Variants in BCL6 observed in about 807,000 individuals in gnomAD.
BCL6 encodes BCL6 transcription repressor, also known as B-cell lymphoma 6 protein.
BCL6 carries 7 observed loss-of-function variants against 59.5 expected under a neutral mutation model. That is an observed-to-expected ratio of 0.12 (90% CI 0.07 to 0.22). BCL6 has a LOEUF of 0.22. Among genes scored for constraint, BCL6 ranks in the 10% least tolerant of loss-of-function variants. The probability of loss-of-function intolerance (pLI) is 1.00; values close to 1 mark genes in which losing one functional copy is unlikely to be tolerated. For synonymous variants in BCL6, 339 were observed against 349.7 expected (o/e 0.97, Z 0.34); for missense variants, 685 against 939.4 (o/e 0.73, Z 3.54).
chr3:187,742,311 G>T (rs3774298), intron 1 of BCL6, among the ~76,000 whole-genome samples: 6 of 151,922 alleles, frequency 3.9e-5, no homozygotes, highest in South Asian at 2.1e-4. Flanking sequence ...ACATCTAGCC[G>T]TGGCTACCAT....
chr3:187,743,126 A>G (rs556843309), intron 1 of BCL6, among the ~76,000 whole-genome samples: 7 of 152,270 alleles, frequency 4.6e-5, no homozygotes, highest in African/African-American at 1.7e-4. Flanking sequence ...CAGAGCCACA[A>G]ACTGTATTTC....
chr3:187,744,375 GC>G, intron 1 of BCL6, among the ~76,000 whole-genome samples: 1 of 151,246 alleles, frequency 6.6e-6, no homozygotes, highest in Non-Finnish European at 1.5e-5. Context: ...CTCGGGATGA[GC>G]AGGGAGAGCG....
At position 187,722,333 on chromosome 3, in the gene BCL6, G is replaced by T; in HGVS notation, c.*125C>A. The stretch of plus-strand genomic sequence containing the variant: ...CGACCCCCACCACCCCCAACCCCCA[G>T]CTATGATTTGCACTAGTGGATGAAA... On this transcript the variant is annotated 3_prime_UTR_variant, in exon 10 of 10. Transcript: ENST00000406870. 1 of 146,054 alleles carries T rather than the reference G, an allele frequency of 6.8e-6. No individual in the cohort carries two copies. The highest frequency in any genetic ancestry group is 1.2e-5 in the Non-Finnish European group (1 of 86,856). 9.0% of individuals were successfully genotyped at this position (146,054 alleles called of 1,614,324 possible).
At chr3:187,744,975 C>T (rs1711851175) in intron 1 of BCL6, among the ~76,000 whole-genome samples, 1 of 151,970 alleles carries the variant, frequency 6.6e-6, no homozygotes, top group Non-Finnish European at 1.5e-5. Flanking sequence ...GCCCGAATCA[C>T]CCCCCAAGCA....
At chr3:187,723,299 G>A (rs1184922981) in intron 9 of BCL6, among the ~76,000 whole-genome samples, 2 of 152,048 alleles carry the variant, frequency 1.3e-5, no homozygotes, top group East Asian at 3.9e-4. Flanking sequence ...TGGGTAATAA[G>A]CGCTTTAGTT....
At chr3:187,745,135 A>T (rs1560161694) in intron 1 of BCL6, among the ~76,000 whole-genome samples, 4 of 152,198 alleles carry the variant, frequency 2.6e-5, no homozygotes, top group South Asian at 4.2e-4. Context: ...ATAATAATAA[A>T]TACATAACAA....
chr3:187,730,159 C>A (rs896050315), intron 4 of BCL6, 138 bp from the exon 5 acceptor site: 1 of 1,233,144 alleles, frequency 8.1e-7, no homozygotes, highest in Non-Finnish European at 1.1e-6. Context: ...AGCAGGGAAC[C>A]ACAATTACAA....
chr3:187,728,616 T>C, intron 5 of BCL6, 72 bp from the exon 6 acceptor site: 1 of 1,468,804 alleles, frequency 6.8e-7, no homozygotes, highest in Non-Finnish European at 9.1e-7. Context: ...TCCCTGTGTG[T>C]AGGCAAGCCC....
chr3:187,744,428 T>A (rs538855164), intron 1 of BCL6, among the ~76,000 whole-genome samples: 6 of 150,094 alleles, frequency 4.0e-5, no homozygotes, highest in South Asian at 2.2e-4. Flanking sequence ...CAAGAAAGAA[T>A]AATTTTCAAA....
intron 1 of BCL6, among the ~76,000 whole-genome samples, chr3:187,740,102 C>G (rs2108478682): frequency 6.6e-6 from 1 of 152,346 alleles, no homozygotes; most frequent in Non-Finnish European, 1.5e-5. Flanking sequence ...AGCGCGCCTG[C>G]TGCCGCTAGG....
rs1491098326 is a variant in BCL6 at position 187,725,452 on chromosome 3, CCG to C, written c.1839+45_1839+46del. ...CCTGCCCACTCCTCCGCTCGCCTGC[CCG>C]CTCCGCTCGCCTGCCCGCTCCGCTC... On this transcript the variant is annotated intron_variant, in intron 8 of 9. Coordinates refer to ENST00000406870, the MANE Select transcript of BCL6 (RefSeq NM_001706.5). The surrounding 1 kb of genome is among the most constrained non-coding windows in gnomAD (Gnocchi z 4.7). The C allele has an allele frequency of 1.3e-6, 2 of 1,554,042 alleles. No homozygotes were observed. The highest frequency in any genetic ancestry group is 1.8e-5 in the African/African-American group (1 of 55,078).
At chr3:187,737,355 GAGAGAGAGA>G (rs1193115761) in intron 1 of BCL6, 1 of 96,072 alleles carries the variant, frequency 1.0e-5, no homozygotes, top group East Asian at 3.2e-4. Context: ...GACAGAGAGA[GAGAGAGAGA>G]GAGAGAGAGA....
intron 3 of BCL6, among the ~76,000 whole-genome samples, 193 bp downstream of exon 3, chr3:187,733,340 C>T (rs1477890150): frequency 1.3e-5 from 2 of 152,006 alleles, no homozygotes; most frequent in Non-Finnish European, 2.9e-5. Context: ...TCTTTCTTTT[C>T]TAAAAGTGCA....
At position 187,735,401 on chromosome 3, in the gene BCL6, G is replaced by A. The variant is rs150208553; in HGVS notation, c.-49-494C>T. Among the ~76,000 whole-genome samples, 148 of 152,272 alleles carry A rather than the reference G, an allele frequency of 9.7e-4. 2 individuals carry two copies. Among genetic ancestry groups the A allele is most frequent in the African/African-American group, 3.4e-3 (143 of 41,552 alleles). On this transcript the variant is annotated intron_variant, in intron 1 of 9. Transcript: ENST00000406870. ...ATATCTTTATCCTTATTTCACTGGC[G>A]ATGAAACTGAGACTTAGGGGTTCAA...
At chr3:187,723,631 G>A (rs1718529340) in intron 9 of BCL6, among the ~76,000 whole-genome samples, 2 of 152,196 alleles carry the variant, frequency 1.3e-5, no homozygotes, top group Admixed American at 6.5e-5. Context: ...ATGTTTTCAA[G>A]TGAAAATGGA....
At chr3:187,730,507 G>A (rs1163850917) in intron 4 of BCL6, among the ~76,000 whole-genome samples, 1 of 152,232 alleles carries the variant, frequency 6.6e-6, no homozygotes, top group Non-Finnish European at 1.5e-5. Context: ...ACACAAACGA[G>A]TAGCCTACTG....
chr3:187,745,019 A>G (rs1711856101), intron 1 of BCL6, among the ~76,000 whole-genome samples: 1 of 150,872 alleles, frequency 6.6e-6, no homozygotes, highest in South Asian at 2.1e-4. Flanking sequence ...CCGCCCCCTA[A>G]TTCCCCTCCT....
At chr3:187,724,369 G>A (rs555735570) in intron 9 of BCL6, among the ~76,000 whole-genome samples, 21 of 152,178 alleles carry the variant, frequency 1.4e-4, no homozygotes, top group African/African-American at 3.9e-4. Context: ...CCGAGACCCC[G>A]CCCTAGAACA....
chr3:187,731,593 T>C (rs1373435226), intron 4 of BCL6, 116 bp downstream of exon 4: 1 of 974,308 alleles, frequency 1.0e-6, no homozygotes, highest in Admixed American at 2.1e-5. Flanking sequence ...AGAGTGGAAA[T>C]GTGGGTTGCA....
Sources: allele counts gnomAD v4.1 joint callset (sites outside exome capture counted in the v4.1 genomes callset), GRCh38; gene constraint gnomAD v4.1.1; non-coding constraint Gnocchi (gnomAD v3.1); transcripts MANE v1.5; gene names NCBI Gene and HGNC (gene_info 2026-07-23, HGNC 2026-07-21).